The following VDAC1 variants were observed in gnomAD, a reference collection of about 807,000 sequenced individuals.
VDAC1 encodes voltage dependent anion channel 1.
Under a neutral mutation model 34.7 loss-of-function variants are expected in VDAC1, and 10 were observed. The ratio of observed to expected loss-of-function variants is 0.29; its 90% CI spans 0.18 to 0.49. The LOEUF is 0.49. Among genes scored for constraint, VDAC1 ranks in the 20% least tolerant of loss-of-function variants. The pLI, the probability that VDAC1 is intolerant of heterozygous loss-of-function variation, is 0.99. For missense variants in VDAC1, 230 were observed against 347.9 expected (o/e 0.66, Z 2.69); for synonymous variants, 130 against 136.0 (o/e 0.96, Z 0.30).
At chr5:134,038,029 T>C in the VDAC1 span, among the ~76,000 whole-genome samples, 4 of 152,228 alleles carry the variant, frequency 2.6e-5, no homozygotes, top group Non-Finnish European at 5.9e-5. Flanking sequence ...ATAATGTCAA[T>C]GTGCCAAAGA....
the VDAC1 span, among the ~76,000 whole-genome samples, chr5:134,021,602 TACC>T: frequency 5.3e-5 from 8 of 151,090 alleles, no homozygotes; most frequent in Admixed American, 5.3e-4. Flanking sequence ...GAAATAAAGC[TACC>T]AAGGTCTTAA....
the VDAC1 span, among the ~76,000 whole-genome samples, chr5:134,023,805 A>T: frequency 2.7e-3 from 406 of 152,212 alleles, 1 homozygote; most frequent in African/African-American, 8.6e-3. Flanking sequence ...ACTGTCACGG[A>T]AGGCCTCTCC....
chr5:134,106,421 T>TTTTTTC, the VDAC1 span, among the ~76,000 whole-genome samples: 1 of 151,662 alleles, frequency 6.6e-6, no homozygotes, highest in East Asian at 1.9e-4. Flanking sequence ...CCTCTTTTTT[T>TTTTTTC]TTTTTAAATG....
At chr5:134,086,086 C>T in the VDAC1 span, among the ~76,000 whole-genome samples, 3 of 152,168 alleles carry the variant, frequency 2.0e-5, no homozygotes, top group African/African-American at 7.2e-5. Flanking sequence ...ATCCCAGCCA[C>T]TTGGGAGGCT....
chr5:134,046,504 T>C, the VDAC1 span, among the ~76,000 whole-genome samples: 2 of 152,218 alleles, frequency 1.3e-5, no homozygotes, highest in Admixed American at 1.3e-4. Flanking sequence ...TCTGCAAACA[T>C]CTGCAAAGTC....
At chr5:134,096,339 G>C in the VDAC1 span, among the ~76,000 whole-genome samples, 3 of 152,232 alleles carry the variant, frequency 2.0e-5, no homozygotes, top group African/African-American at 7.2e-5. Flanking sequence ...TCCATGCCAG[G>C]TGACAAGGCA....
chr5:134,109,770 C>CAAAA, the VDAC1 span, among the ~76,000 whole-genome samples: 2 of 140,280 alleles, frequency 1.4e-5, no homozygotes, highest in African/African-American at 5.6e-5. Context: ...GGCTCCATCT[C>CAAAA]AAAAAAAAAA....
chr5:133,990,967 TTAA>T, intron 4 of VDAC1, 32 bp downstream of exon 4: 2 of 1,608,390 alleles, frequency 1.2e-6, no homozygotes, highest in East Asian at 4.5e-5. Context: ...CAGATGCGAA[TTAA>T]TAAATCCACA....
In VDAC1 at chr5:133,975,936, C is replaced by T; in HGVS notation, c.637G>A (p.Gly213Arg). 4 of 1,613,490 alleles carry T rather than the reference C, an allele frequency of 2.5e-6. No individual in the cohort carries two copies. The highest frequency in any genetic ancestry group is 3.4e-6 in the Non-Finnish European group (4 of 1,179,984). The change falls in exon 7 of 9, where the codon GGA becomes AGA. Residue 213 changes from glycine (G) to arginine (R), a missense_variant. By Grantham distance (125) the Gly-to-Arg change is moderately radical (BLOSUM62 -2). Transcript: ENST00000265333. Reference sequence around the variant, plus strand: ...ATTCCGAAGCGCGTGTTACTGTTTCCTGCTGTCCAGGCAAGATTGACAGCG... The same window carrying T: ...ATTCCGAAGCGCGTGTTACTGTTTCTTGCTGTCCAGGCAAGATTGACAGCG... ...ETAVNLAWTA[G>R]NSNTRFGIAA... is the part of the protein sequence containing the mutation.
the VDAC1 span, among the ~76,000 whole-genome samples, chr5:134,035,038 G>A: frequency 1.3e-5 from 2 of 152,114 alleles, no homozygotes; most frequent in African/African-American, 4.8e-5. Context: ...GGGCCTAGGA[G>A]CAACGACACT....
the VDAC1 span, among the ~76,000 whole-genome samples, chr5:134,066,581 A>G: frequency 6.6e-6 from 1 of 152,254 alleles, no homozygotes; most frequent in African/African-American, 2.4e-5. Context: ...CTTAAACAAG[A>G]TGAAATTTTT....
chr5:133,980,690 C>A, intron 6 of VDAC1, 39 bp downstream of exon 6: 75 of 386,706 alleles, frequency 1.9e-4, no homozygotes, highest in Non-Finnish European at 3.0e-4. Context: ...CATGCTCCAA[C>A]CCCACCCCTC....
the VDAC1 span, among the ~76,000 whole-genome samples, chr5:134,106,121 G>A: frequency 6.6e-6 from 1 of 152,222 alleles, no homozygotes; most frequent in Non-Finnish European, 1.5e-5. Context: ...AGACCATCCT[G>A]AGTTTCAACC....
the VDAC1 span, among the ~76,000 whole-genome samples, chr5:134,108,995 G>A: frequency 1.5e-4 from 23 of 152,322 alleles, no homozygotes; most frequent in Middle Eastern, 6.8e-3. Flanking sequence ...AAAACAGCCA[G>A]GAGGGTTTCT....
In VDAC1 at chr5:133,973,925, T is replaced by A. The variant is rs1752387034; in HGVS notation, c.703-77A>T. On this transcript the variant is annotated intron_variant, in intron 7 of 8. Coordinates refer to ENST00000265333, the MANE Select transcript of VDAC1 (RefSeq NM_003374.3). Reference sequence around the variant, plus strand: ...CTTCCATCTCCAAAATTAGAGCTTTTTAGTCAACCAACCTTGGACTTTAGA... The same window carrying A: ...CTTCCATCTCCAAAATTAGAGCTTTATAGTCAACCAACCTTGGACTTTAGA... 13 of 1,417,668 alleles carry A rather than the reference T, an allele frequency of 9.2e-6. No homozygotes were observed. The South Asian group carries it at 1.6e-4, about 18-fold the overall frequency. The allele number at this position is 1,417,668 out of a possible 1,614,324, so 87.8% of individuals were successfully genotyped here. A position where few individuals can be genotyped will look rare whatever the true frequency, so the allele number is the denominator to read the frequency against.
the VDAC1 span, among the ~76,000 whole-genome samples, chr5:134,092,919 T>C: frequency 2.0e-5 from 3 of 152,226 alleles, no homozygotes; most frequent in Non-Finnish European, 4.4e-5. Flanking sequence ...GCGGAGCTGC[T>C]AGAATTTCCT....
the VDAC1 span, among the ~76,000 whole-genome samples, chr5:134,093,582 T>C: frequency 9.2e-5 from 14 of 152,358 alleles, no homozygotes; most frequent in South Asian, 1.9e-3. Flanking sequence ...TGGCTGGTGA[T>C]GTCTTTCCAC....
intron 5 of VDAC1, 31 bp downstream of exon 5, chr5:133,990,824 T>C (rs1263549137): frequency 6.6e-7 from 1 of 1,523,260 alleles, no homozygotes; most frequent in Non-Finnish European, 8.8e-7. Context: ...TCAGAGAACA[T>C]CCTTGTGGAG....
the VDAC1 span, among the ~76,000 whole-genome samples, chr5:134,040,445 C>T: frequency 2.6e-5 from 4 of 152,092 alleles, no homozygotes; most frequent in Admixed American, 6.6e-5. Context: ...TGTGGTGGCA[C>T]GTGCCTGTAG....
Sources: gnomAD v4.1 joint callset for allele counts (sites outside exome capture counted in the v4.1 genomes callset) on GRCh38, gnomAD v4.1.1 for gene constraint, MANE v1.5 for transcripts, NCBI Gene and HGNC (gene_info 2026-07-23, HGNC 2026-07-21) for gene names.